Variants in AKR1B10 observed in about 807,000 individuals in gnomAD.
The protein encoded by AKR1B10 is aldo-keto reductase family 1 member B10.
AKR1B10 carries 39 observed loss-of-function variants against 38.9 expected under a neutral mutation model. The ratio of observed to expected loss-of-function variants is 1.00; its 90% CI spans 0.78 to 1.31. The LOEUF (loss-of-function observed/expected upper bound fraction) is 1.31, where lower values mean the gene tolerates loss of function less well. AKR1B10 is among the 50% of genes most tolerant of loss of function. The pLI is 0.00. For synonymous variants in AKR1B10, 148 were observed against 141.2 expected, an observed-to-expected ratio of 1.05 and a Z score of -0.34; for missense variants, 361 against 382.6, an observed-to-expected ratio of 0.94 and a Z score of 0.47.
chr7:134,533,039 T>C lies in AKR1B10; in HGVS notation c.387T>C (p.Gly129=), dbSNP rs2117542504. The C allele has an allele frequency of 1.2e-6, 2 of 1,601,690 alleles. No homozygotes were observed. Among genetic ancestry groups the C allele is most frequent in the Non-Finnish European group, 1.7e-6 (2 of 1,175,878 alleles). ...GDDLFPKDDK[G]NAIGGKATFL... is the part of the protein sequence containing the mutation. ...ACCTTTTCCCCAAAGATGATAAAGG[T>C]AATGCCATCGGTGGAAAAGCAACGT... Residue 129 remains glycine (G), a synonymous_variant, in exon 4 of 10, where the codon GGT becomes GGC. Transcript: ENST00000359579.
chr7:134,533,667 C>T (rs540105409), intron 4 of AKR1B10, among the ~76,000 whole-genome samples: 1 of 152,048 alleles, frequency 6.6e-6, no homozygotes. Flanking sequence ...GGGATTAGAC[C>T]CAGACTCATC....
At chr7:134,528,078 T>C in intron 1 of AKR1B10, 101 bp downstream of exon 1, 2 of 1,459,342 alleles carry the variant, frequency 1.4e-6, no homozygotes, top group Admixed American at 3.8e-5. Context: ...CGGGCAGGGG[T>C]TGGAGAGGTA....
intron 9 of AKR1B10, among the ~76,000 whole-genome samples, chr7:134,539,273 A>C (rs1261830260): frequency 6.6e-6 from 1 of 152,192 alleles, no homozygotes; most frequent in Non-Finnish European, 1.5e-5. Context: ...CGGGAGGCAG[A>C]ACATTCATTT....
chr7:134,532,957 A>G (rs751696057), intron 3 of AKR1B10, 47 bp from the exon 4 acceptor site: 1 of 1,531,206 alleles, frequency 6.5e-7, no homozygotes, highest in South Asian at 1.2e-5. Flanking sequence ...AACAGAACCA[A>G]GTGTCCTGAT....
intron 1 of AKR1B10, among the ~76,000 whole-genome samples, chr7:134,528,919 C>T (rs1807773239): frequency 1.3e-5 from 2 of 152,258 alleles, no homozygotes; most frequent in Admixed American, 6.5e-5. Flanking sequence ...TGAGCACCAC[C>T]CGGCTGTGTT....
Position 134,541,173 on chromosome 7 carries a change from C to A in AKR1B10, c.*84C>A, listed in dbSNP as rs1808141666. 2 of 1,082,708 alleles carry A rather than the reference C, an allele frequency of 1.8e-6. No homozygotes were observed. Among genetic ancestry groups the A allele is most frequent in the Non-Finnish European group, 2.7e-6 (2 of 731,866 alleles). 67.1% of individuals were successfully genotyped at this position (1,082,708 alleles called of 1,614,324 possible). A position where few individuals can be genotyped will look rare whatever the true frequency, so the allele number is the denominator to read the frequency against. ...ACCTCCACTCATGTCCCATTTTAGC[C>A]AAGCTTATTTAAGATCACAGTGAAC... On this transcript the variant is annotated 3_prime_UTR_variant, in exon 10 of 10. Transcript: ENST00000359579.
In AKR1B10 at chr7:134,536,516, AT is replaced by A. The variant is rs571211175; in HGVS notation, c.430-131del. The stretch of plus-strand genomic sequence containing the variant: ...ATGGGCACCCAGGCCCTGGACTAAA[AT>A]TTCCTGTGAATGCTTCGGCTAACCC... On this transcript the variant is annotated intron_variant, in intron 4 of 9. Transcript: ENST00000359579. The A allele has an allele frequency of 9.4e-5, 133 of 1,408,724 alleles. No individual in the cohort carries two copies. In the African/African-American group the frequency reaches 1.8e-3, roughly 19 times the overall value. 87.3% of individuals were successfully genotyped at this position (1,408,724 alleles called of 1,614,324 possible).
chr7:134,529,364 C>T (rs576266891), intron 1 of AKR1B10, among the ~76,000 whole-genome samples: 45 of 152,312 alleles, frequency 3.0e-4, no homozygotes, highest in African/African-American at 9.9e-4. Context: ...CCTGTATAAA[C>T]AGAATAAATA....
chr7:134,530,876 G>A, intron 2 of AKR1B10, 66 bp downstream of exon 2: 1 of 1,546,562 alleles, frequency 6.5e-7, no homozygotes, highest in East Asian at 2.3e-5. Context: ...GGTCGGGTTG[G>A]CAGCAAGAAC....
Position 134,536,940 on chromosome 7 carries a change from G to A in AKR1B10, c.553-111G>A. ...CGGGTGATTTAGCAAGTATCTCAGTGGGCAGGTGTTTGGCCTTTGCTTGGT... is the reference window on the plus strand; with the variant it reads ...CGGGTGATTTAGCAAGTATCTCAGTAGGCAGGTGTTTGGCCTTTGCTTGGT... On this transcript the variant is annotated intron_variant, in intron 5 of 9. Coordinates refer to ENST00000359579, the MANE Select transcript of AKR1B10 (RefSeq NM_020299.5). The A allele has an allele frequency of 4.4e-6, 7 of 1,585,446 alleles. No individual in the cohort carries two copies. In the South Asian group the frequency reaches 5.9e-5, roughly 13 times the overall value.
chr7:134,538,904 T>A (rs2852178), intron 8 of AKR1B10, 31 bp from the exon 9 acceptor site: 3 of 1,613,382 alleles, frequency 1.9e-6, no homozygotes, highest in Non-Finnish European at 2.5e-6. Flanking sequence ...ATGGCCTTAC[T>A]GATGATGTAT....
At chr7:134,538,461 G>A (rs13309836) in intron 8 of AKR1B10, among the ~76,000 whole-genome samples, 184 bp downstream of exon 8, 82 of 152,194 alleles carry the variant, frequency 5.4e-4, no homozygotes, top group South Asian at 2.3e-3. Flanking sequence ...ATGGGCTAAG[G>A]ACATCCTGGG....
chr7:134,538,188 G>A lies in AKR1B10; in HGVS notation c.742-6G>A, dbSNP rs187796884. On this transcript the variant is annotated splice_region_variant and splice_polypyrimidine_tract_variant and intron_variant, in intron 7 of 9. Coordinates refer to ENST00000359579, the MANE Select transcript of AKR1B10 (RefSeq NM_020299.5). ...AGTGGAAGCCTGATGTCCCCTTTCC[G>A]CATAGGTTCTGATCCGTTTCCATAT... The A allele has an allele frequency of 8.2e-5, 133 of 1,613,606 alleles. No homozygotes were observed. The highest frequency in any genetic ancestry group is 1.0e-4 in the Non-Finnish European group (122 of 1,179,568).
At chr7:134,535,214 G>C (rs1807963610) in intron 4 of AKR1B10, among the ~76,000 whole-genome samples, 1 of 152,128 alleles carries the variant, frequency 6.6e-6, no homozygotes, top group African/African-American at 2.4e-5. Flanking sequence ...CTGGCCTCAA[G>C]CAATCCTCCT....
intron 1 of AKR1B10, among the ~76,000 whole-genome samples, chr7:134,529,984 A>C (rs1173249131): frequency 6.6e-6 from 1 of 152,100 alleles, no homozygotes; most frequent in Non-Finnish European, 1.5e-5. Flanking sequence ...AAAAAGCTTA[A>C]TATTCATTGC....
chr7:134,538,316 G>C, intron 8 of AKR1B10, 39 bp downstream of exon 8: 1 of 1,578,218 alleles, frequency 6.3e-7, no homozygotes, highest in Admixed American at 1.7e-5. Flanking sequence ...TTCCTCAGTG[G>C]AGTGGGGGAC....
Position 134,538,203 on chromosome 7 carries a change from C to T in AKR1B10, c.751C>T (p.Arg251Cys), listed in dbSNP as rs778283237. 2.1e-5 allele frequency: 34 copies of T among 1,613,900 alleles called. No homozygotes were observed. Among genetic ancestry groups the T allele is most frequent in the South Asian group, 1.9e-4 (17 of 91,074 alleles). The change falls in exon 8 of 10, where the codon CGT (arginine) becomes TGT (cysteine). Residue 251 changes from arginine (R) to cysteine (C), a missense_variant. This residue lies in a region of AKR1B10 where 132 missense variants were observed against 134.6 expected (regional missense o/e 0.98). Transcript: ENST00000359579. ...TCCCCTTTCCGCATAGGTTCTGATC[C>T]GTTTCCATATCCAGAGGAATGTGAT... ...HKKTAAQVLI[R>C]FHIQRNVIVI...
chr7:134,535,582 T>C lies in AKR1B10; in HGVS notation c.430-1068T>C, dbSNP rs559414860. 2.6e-5 allele frequency: 24 copies of C among 921,622 alleles called. No homozygotes were observed. In the African/African-American group the frequency reaches 3.7e-4, roughly 14 times the overall value. The allele number at this position is 921,622 out of a possible 1,614,324, so 57.1% of individuals were successfully genotyped here. On this transcript the variant is annotated intron_variant, in intron 4 of 9. Coordinates refer to ENST00000359579, the MANE Select transcript of AKR1B10 (RefSeq NM_020299.5). ...ATGCTCATGTTTTTTCCCTCTTTTC[T>C]GTCTTTTTTTTTTTTTTTTTTTTTT... is the stretch of plus-strand genomic sequence containing the variant.
At chr7:134,538,596 C>T (rs531898378) in intron 8 of AKR1B10, among the ~76,000 whole-genome samples, 91 of 152,290 alleles carry the variant, frequency 6.0e-4, no homozygotes, top group Middle Eastern at 3.4e-3. Flanking sequence ...GTCCTGGCCT[C>T]CCTGCTCACT....
Sources: allele counts gnomAD v4.1 joint callset (sites outside exome capture counted in the v4.1 genomes callset), GRCh38; gene constraint gnomAD v4.1.1; regional missense constraint gnomAD v4.1.1; transcripts MANE v1.5; gene names NCBI Gene and HGNC (gene_info 2026-07-23, HGNC 2026-07-21).